Variants in TNRC6A observed in about 807,000 individuals in gnomAD.
TNRC6A encodes the protein trinucleotide repeat containing adaptor 6A, also known as trinucleotide repeat-containing gene 6A protein.
Under a neutral mutation model 221.2 loss-of-function variants are expected in TNRC6A, and 44 were observed. That is an observed-to-expected ratio of 0.20 (90% confidence interval 0.16 to 0.26). The LOEUF (loss-of-function observed/expected upper bound fraction) is 0.26. TNRC6A is among the 10% of genes least tolerant of loss of function. The pLI is 1.00. For synonymous variants in TNRC6A, 847 were observed against 838.5 expected (o/e 1.01, Z -0.18); for missense variants, 2,199 against 2,404.4 (o/e 0.91, Z 1.79).
chr16:24,773,530 G>A lies in TNRC6A; in HGVS notation c.164-3403G>A, dbSNP rs565844247. Among the ~76,000 whole-genome samples the A allele has an allele frequency of 2.9e-3, 436 of 152,268 alleles. 1 individual carries two copies. The highest frequency in any genetic ancestry group is 3.8e-3 in the Non-Finnish European group (256 of 68,026). ...TTGCTGCTGTATGGCATGCATGTGT[G>A]TGTGTTTGTGCACGCGTGTACATGC... On this transcript the variant is annotated intron_variant, in intron 4 of 24. Coordinates refer to ENST00000395799, the MANE Select transcript of TNRC6A (RefSeq NM_014494.4).
At chr16:24,690,005 AAAAAAAAAAAAAAAAAAAAAAATT>A (rs2055721240) in intron 2 of TNRC6A, among the ~76,000 whole-genome samples, 1 of 57,542 alleles carries the variant, frequency 1.7e-5, no homozygotes. Context: ...AAAAAAAAAA[AAAAAAAAAAAAAAAAAAAAAAATT>A]TTTTTTTTTT....
intron 2 of TNRC6A, among the ~76,000 whole-genome samples, chr16:24,667,533 C>T (rs2055197554): frequency 6.6e-6 from 1 of 152,126 alleles, no homozygotes; most frequent in South Asian, 2.1e-4. Flanking sequence ...GTAAAGTGAC[C>T]ACAATGTGAC....
chr16:24,704,800 T>C (rs2056065174), intron 2 of TNRC6A, among the ~76,000 whole-genome samples: 1 of 150,492 alleles, frequency 6.6e-6, no homozygotes, highest in Non-Finnish European at 1.5e-5. Context: ...GTGCATGCAA[T>C]ACTTTCACAA....
At chr16:24,742,671 C>T (rs949976863) in intron 2 of TNRC6A, among the ~76,000 whole-genome samples, 1 of 152,156 alleles carries the variant, frequency 6.6e-6, no homozygotes, top group Non-Finnish European at 1.5e-5. Context: ...CCTGTAATCC[C>T]AGCACTTTAG....
At chr16:24,777,396 C>A (rs763419547) in intron 5 of TNRC6A, 38 bp downstream of exon 5, 3 of 1,568,302 alleles carry the variant, frequency 1.9e-6, no homozygotes, top group Non-Finnish European at 2.6e-6. Flanking sequence ...CACACCTTAT[C>A]ATCATTAGCT....
In TNRC6A at chr16:24,804,789, C is replaced by T. The variant is rs763735376; in HGVS notation, c.3922C>T (p.Pro1308Ser). Residue 1308 changes from proline (P) to serine (S), a missense_variant, in exon 13 of 25, where the codon CCT becomes TCT. By Grantham distance (74) the Pro-to-Ser change is moderately conservative. This residue lies in a region of TNRC6A where 158 missense variants were observed against 159.1 expected (regional missense o/e 0.99). Transcript: ENST00000395799. ...GCTTCCCCCTTCAAATAGTGCACTA[C>T]CTAACCAGGCCCTTGGCTCCATAGC... ...MKLPPSNSALPNQALGSIAGL... is the reference protein window; with the variant it reads ...MKLPPSNSALSNQALGSIAGL... 3.1e-5 allele frequency: 50 copies of T among 1,611,394 alleles called. No individual in the cohort carries two copies. Among genetic ancestry groups the T allele is most frequent in the Non-Finnish European group, 4.1e-5 (48 of 1,179,488 alleles).
At chr16:24,660,705 A>T (rs547851709) in intron 2 of TNRC6A, among the ~76,000 whole-genome samples, 28 of 146,420 alleles carry the variant, frequency 1.9e-4, no homozygotes, top group Middle Eastern at 3.5e-3. Context: ...AATATCATGA[A>T]TTCAGCTTTC....
chr16:24,675,133 G>A (rs942872210), intron 2 of TNRC6A, among the ~76,000 whole-genome samples: 3 of 151,966 alleles, frequency 2.0e-5, no homozygotes, highest in Admixed American at 1.3e-4. Context: ...GTGACAGATC[G>A]AGACCCTGTT....
chr16:24,724,858 TA>T (rs920425730), upstream of TNRC6A, among the ~76,000 whole-genome samples: 3 of 151,826 alleles, frequency 2.0e-5, no homozygotes, highest in African/African-American at 7.3e-5. Context: ...GAGCCTTGCC[TA>T]AAAAAAATAC....
intron 2 of TNRC6A, among the ~76,000 whole-genome samples, chr16:24,654,146 A>C (rs1902825698): frequency 6.6e-6 from 1 of 152,150 alleles, no homozygotes; most frequent in Admixed American, 6.6e-5. Flanking sequence ...TGGTGCACTC[A>C]AATTCCTGGC....
chr16:24,753,473 A>G (rs1468316603), intron 3 of TNRC6A, among the ~76,000 whole-genome samples: 2 of 152,220 alleles, frequency 1.3e-5, no homozygotes, highest in East Asian at 1.9e-4. Flanking sequence ...CTGTTCTCCA[A>G]ATTTCAAATA....
chr16:24,680,713 CAA>C (rs560768377), intron 2 of TNRC6A, among the ~76,000 whole-genome samples: 88 of 118,152 alleles, frequency 7.4e-4, no homozygotes, highest in Admixed American at 8.1e-4. Context: ...AAGACTCCAT[CAA>C]AAAAAAAAAA....
At chr16:24,780,740 C>A (rs1186195769) in intron 5 of TNRC6A, among the ~76,000 whole-genome samples, 1 of 143,536 alleles carries the variant, frequency 7.0e-6, no homozygotes, top group Non-Finnish European at 1.5e-5. Flanking sequence ...ATGGCCTTAT[C>A]TATTATGTTT....
At chr16:24,617,532 C>A (rs1900425908) in intron 1 of TNRC6A, among the ~76,000 whole-genome samples, 1 of 152,154 alleles carries the variant, frequency 6.6e-6, no homozygotes, top group South Asian at 2.1e-4. Flanking sequence ...AAATATGCTT[C>A]TTTTATTAAT....
At chr16:24,666,639 GAAAAAAAAAAAAAAAAAA>G (rs1164353374) in intron 2 of TNRC6A, among the ~76,000 whole-genome samples, 1 of 31,490 alleles carries the variant, frequency 3.2e-5, no homozygotes, top group Non-Finnish European at 5.7e-5. Context: ...CTGTCTTAGA[GAAAAAAAAAAAAAAAAAA>G]AAAAAAAAAA....
chr16:24,669,136 A>T (rs996999376), intron 2 of TNRC6A, among the ~76,000 whole-genome samples: 20 of 152,258 alleles, frequency 1.3e-4, no homozygotes, highest in African/African-American at 4.6e-4. Flanking sequence ...GGTACTCAGG[A>T]CTAAAATAGA....
chr16:24,673,278 A>G (rs1393474927), intron 2 of TNRC6A, among the ~76,000 whole-genome samples: 1 of 152,178 alleles, frequency 6.6e-6, no homozygotes, highest in Non-Finnish European at 1.5e-5. Context: ...TCCTGAGGGT[A>G]AGTAGAAAAG....
intron 5 of TNRC6A, among the ~76,000 whole-genome samples, chr16:24,779,280 C>T (rs2057790060): frequency 6.6e-6 from 1 of 152,162 alleles, no homozygotes; most frequent in Non-Finnish European, 1.5e-5. Context: ...GAGGGTGCAG[C>T]AATCTGACTG....
At chr16:24,750,004 G>A (rs2057100529) in intron 2 of TNRC6A, among the ~76,000 whole-genome samples, 1 of 152,138 alleles carries the variant, frequency 6.6e-6, no homozygotes, top group Non-Finnish European at 1.5e-5. Context: ...GCCAGGCATG[G>A]TGGCAGGTAC....
Sources: allele counts gnomAD v4.1 joint callset (sites outside exome capture counted in the v4.1 genomes callset), GRCh38; gene constraint gnomAD v4.1.1; regional missense constraint gnomAD v4.1.1; transcripts MANE v1.5; gene names NCBI Gene and HGNC (gene_info 2026-07-23, HGNC 2026-07-21).